CNTNAP2: variants seen among roughly 807,000 people sequenced by gnomAD.
CNTNAP2 encodes contactin associated protein 2, also known as contactin-associated protein-like 2.
CNTNAP2 carries 98 observed loss-of-function variants against 155.2 expected under a neutral mutation model. The ratio of observed to expected loss-of-function variants is 0.63; its 90% CI spans 0.54 to 0.75. The LOEUF (loss-of-function observed/expected upper bound fraction) is 0.75, where lower values mean the gene tolerates loss of function less well. Among genes scored for constraint, CNTNAP2 ranks in the 30% least tolerant of loss-of-function variants. The probability of loss-of-function intolerance (pLI) is 0.00; values close to 1 mark genes in which losing one functional copy is unlikely to be tolerated. For synonymous variants in CNTNAP2, 651 were observed against 631.2 expected (o/e 1.03, Z -0.47); for missense variants, 1,727 against 1,688.1 (o/e 1.02, Z -0.40).
chr7:147,619,181 A>T (rs931129589), intron 12 of CNTNAP2, among the ~76,000 whole-genome samples: 3 of 152,246 alleles, frequency 2.0e-5, no homozygotes, highest in African/African-American at 7.2e-5. Flanking sequence ...GACAGTATTT[A>T]AAAAGCATTA....
rs372575992 is a variant in CNTNAP2, at chr7:147,206,382, T to C, written c.1348+73873T>C. Among the ~76,000 whole-genome samples the C allele has an allele frequency of 3.8e-3, 570 of 151,670 alleles. 3 individuals are homozygous for C. The highest frequency in any genetic ancestry group is 7.4e-3 in the African/African-American group (304 of 41,354). On this transcript the variant is annotated intron_variant, in intron 8 of 23. Transcript: ENST00000361727. ...GAGTTCAAGACCAGCCTGGGCAACA[T>C]TGTGAAACCCAATCTACTAAAAATA...
At chr7:147,915,158 C>T (rs966850591) in intron 14 of CNTNAP2, among the ~76,000 whole-genome samples, 1 of 152,108 alleles carries the variant, frequency 6.6e-6, no homozygotes, top group African/African-American at 2.4e-5. Context: ...AGATCAAAGA[C>T]TAATTTTCAC....
At chr7:146,525,875 G>T (rs1797684291) in intron 1 of CNTNAP2, among the ~76,000 whole-genome samples, 1 of 152,054 alleles carries the variant, frequency 6.6e-6, no homozygotes, top group South Asian at 2.1e-4. Context: ...GATAATGTTT[G>T]TCATAAATGT....
intron 21 of CNTNAP2, among the ~76,000 whole-genome samples, chr7:148,380,346 T>A (rs1799026642): frequency 6.6e-6 from 1 of 152,266 alleles, no homozygotes; most frequent in South Asian, 2.1e-4. Flanking sequence ...TTAAGAAATA[T>A]GGAATCTTAT....
At chr7:147,597,496 C>T (rs1563014568) in intron 12 of CNTNAP2, among the ~76,000 whole-genome samples, 1 of 152,168 alleles carries the variant, frequency 6.6e-6, no homozygotes, top group Admixed American at 6.5e-5. Flanking sequence ...CTTATTTAGT[C>T]TCTTTCCCTG....
At chr7:147,959,865 T>C (rs2710083) in intron 14 of CNTNAP2, among the ~76,000 whole-genome samples, 95,148 of 152,040 alleles carry the variant, frequency 0.63, 35,029 homozygotes, top group Non-Finnish European at 0.81. Flanking sequence ...AGTTGGTACC[T>C]CAACTTCAAG....
At position 146,669,343 on chromosome 7, in the gene CNTNAP2, C is replaced by T. The variant is rs117548062; in HGVS notation, c.98-104928C>T. Among the ~76,000 whole-genome samples the T allele has an allele frequency of 7.4e-3, 1,133 of 152,178 alleles. 31 individuals carry two copies. Among genetic ancestry groups the T allele is most frequent in the Admixed American group, 0.052 (797 of 15,280 alleles). On this transcript the variant is annotated intron_variant, in intron 1 of 23. Coordinates refer to ENST00000361727, the MANE Select transcript of CNTNAP2 (RefSeq NM_014141.6). ...AGTTTGACACAAATCTGAATAGAAA[C>T]CTATTTAATTTCAGACTTCTTTACC...
chr7:147,711,812 C>T (rs938409824), intron 13 of CNTNAP2, among the ~76,000 whole-genome samples: 1 of 152,166 alleles, frequency 6.6e-6, no homozygotes, highest in East Asian at 1.9e-4. Context: ...ACTGTACTGA[C>T]TTCTCTCTTC....
chr7:147,309,595 T>G (rs2692176), intron 9 of CNTNAP2, among the ~76,000 whole-genome samples: 22,431 of 152,090 alleles, frequency 0.15, 2,796 homozygotes, highest in East Asian at 0.7. Context: ...CCCCTAATTG[T>G]AGTGAGTCAC....
chr7:147,492,476 T>C (rs1017703202), intron 11 of CNTNAP2, among the ~76,000 whole-genome samples: 2 of 152,228 alleles, frequency 1.3e-5, no homozygotes, highest in Non-Finnish European at 2.9e-5. Context: ...TATTTTAAAC[T>C]CTATAAAATT....
rs150648070 is a variant in CNTNAP2 at position 147,837,144 on chromosome 7, C to T, written c.2099-66421C>T. ...TTCATGCTGCTAATAAAGACATATC[C>T]GAGACTGGGCAATTTACAAAAGAAA... On this transcript the variant is annotated intron_variant, in intron 13 of 23. Coordinates refer to ENST00000361727, the MANE Select transcript of CNTNAP2 (RefSeq NM_014141.6). Among the ~76,000 whole-genome samples the T allele has an allele frequency of 3.7e-3, 561 of 152,202 alleles. 4 individuals are homozygous for T. The highest frequency in any genetic ancestry group is 5.0e-3 in the Admixed American group (77 of 15,286).
intron 12 of CNTNAP2, among the ~76,000 whole-genome samples, chr7:147,632,100 C>T (rs905957272): frequency 2.6e-5 from 4 of 152,084 alleles, no homozygotes; most frequent in South Asian, 2.1e-4. Flanking sequence ...CACTAATATC[C>T]GGAATCCACA....
At chr7:148,252,139 T>C (rs1042121713) in intron 20 of CNTNAP2, among the ~76,000 whole-genome samples, 17 of 152,212 alleles carry the variant, frequency 1.1e-4, no homozygotes, top group Admixed American at 2.0e-4. Context: ...GTCAGTTTCT[T>C]CCTACATTTA....
At chr7:146,308,876 A>G (rs1800769445) in intron 1 of CNTNAP2, among the ~76,000 whole-genome samples, 1 of 152,180 alleles carries the variant, frequency 6.6e-6, no homozygotes, top group Admixed American at 6.5e-5. Flanking sequence ...TACCTAATGT[A>G]AATGACAAGT....
intron 4 of CNTNAP2, among the ~76,000 whole-genome samples, chr7:147,107,033 C>G (rs1800779368): frequency 6.6e-6 from 1 of 152,138 alleles, no homozygotes; most frequent in African/African-American, 2.4e-5. Context: ...TAGCTTTGTC[C>G]AGACTTGTAA....
At chr7:148,052,615 G>A (rs1443063586) in intron 15 of CNTNAP2, among the ~76,000 whole-genome samples, 1 of 152,070 alleles carries the variant, frequency 6.6e-6, no homozygotes, top group Non-Finnish European at 1.5e-5. Context: ...TAGACCACAT[G>A]CAAGATTTTT....
At chr7:148,374,026 G>A (rs1730398) in intron 21 of CNTNAP2, among the ~76,000 whole-genome samples, 46,104 of 152,096 alleles carry the variant, frequency 0.3, 7,742 homozygotes, top group Non-Finnish European at 0.39. Context: ...TATGTGACAT[G>A]GAGCGTCAGT....
At chr7:147,891,179 C>A (rs1371120121) in intron 13 of CNTNAP2, among the ~76,000 whole-genome samples, 1 of 151,288 alleles carries the variant, frequency 6.6e-6, no homozygotes, top group East Asian at 2.0e-4. Context: ...GAAAATCAAC[C>A]ATACAGTAGG....
At chr7:147,261,518 C>G (rs1563137587) in intron 8 of CNTNAP2, among the ~76,000 whole-genome samples, 2 of 151,598 alleles carry the variant, frequency 1.3e-5, no homozygotes, top group African/African-American at 2.4e-5. Context: ...GAGAAAACCT[C>G]TCGGTACTTG....
Sources: gnomAD v4.1 joint callset for allele counts (sites outside exome capture counted in the v4.1 genomes callset) on GRCh38, gnomAD v4.1.1 for gene constraint, MANE v1.5 for transcripts, NCBI Gene and HGNC (gene_info 2026-07-23, HGNC 2026-07-21) for gene names.